Variants in MBD5 observed in about 807,000 individuals in gnomAD.
MBD5 encodes methyl-CpG binding domain protein 5, also known as methyl-CpG-binding domain protein 5.
MBD5 carries 13 observed loss-of-function variants against 117.3 expected under a neutral mutation model. That is an observed-to-expected ratio of 0.11 (90% CI 0.07 to 0.18). MBD5 has a LOEUF of 0.18. Among genes scored for constraint, MBD5 ranks in the 10% least tolerant of loss-of-function variants. The pLI is 1.00. For synonymous variants in MBD5, 727 were observed against 766.4 expected (o/e 0.95, Z 0.85); for missense variants, 1,879 against 2,093.8 (o/e 0.90, Z 2.00).
At chr2:148,090,910 T>C (rs1695925018) in intron 1 of MBD5, among the ~76,000 whole-genome samples, 1 of 152,106 alleles carries the variant, frequency 6.6e-6, no homozygotes, top group Non-Finnish European at 1.5e-5. Context: ...GCTGATGATA[T>C]GATTATATAC....
rs186203964 is a variant in MBD5 at position 148,058,247 on chromosome 2, G to A, written c.-925+36563G>A. On this transcript the variant is annotated intron_variant, in intron 1 of 13. Coordinates refer to ENST00000642680, the MANE Select transcript of MBD5 (RefSeq NM_001378120.1). Reference sequence around the variant, plus strand: ...TACTTTCCCCTGGTACTATTTCTTGGATACTCACAGAAACCCTACAAATTA... The same window carrying A: ...TACTTTCCCCTGGTACTATTTCTTGAATACTCACAGAAACCCTACAAATTA... Among the ~76,000 whole-genome samples, 3 of 151,924 alleles carry A rather than the reference G, an allele frequency of 2.0e-5. No individual in the cohort carries two copies. In the East Asian group the frequency reaches 5.8e-4, roughly 29 times the overall value.
At chr2:148,025,443 C>T (rs1693865501) in intron 1 of MBD5, 1 of 151,288 alleles carries the variant, frequency 6.6e-6, no homozygotes, top group Admixed American at 6.6e-5. Context: ...ACATTTTAGA[C>T]AATGAAAATA....
In MBD5 at chr2:148,251,997, C is replaced by T. The variant is rs540956853; in HGVS notation, c.-680+18602C>T. On this transcript the variant is annotated intron_variant, in intron 3 of 13. Transcript: ENST00000642680. ...GTGTGGTAAATTTTGTTTTCCCGCA[C>T]CTCACTCCTGCCAGAGACAGTTTGG... is the stretch of plus-strand genomic sequence containing the variant. 2.6e-5 allele frequency among the ~76,000 whole-genome samples: 4 copies of T among 152,222 alleles called. No homozygotes were observed. In the South Asian group the frequency reaches 8.3e-4, roughly 32 times the overall value.
At position 148,397,217 on chromosome 2, in the gene MBD5, C is replaced by A. The variant is rs187409184; in HGVS notation, c.-557+54881C>A. On this transcript the variant is annotated intron_variant, in intron 4 of 13. Coordinates refer to ENST00000642680, the MANE Select transcript of MBD5 (RefSeq NM_001378120.1). ...TAAACTGTGTAGTAAAAATTGTCAACCACCAGCAAACTGATCATATGGTCA... is the reference window on the plus strand; with the variant it reads ...TAAACTGTGTAGTAAAAATTGTCAAACACCAGCAAACTGATCATATGGTCA... 7.0e-4 allele frequency among the ~76,000 whole-genome samples: 107 copies of A among 152,132 alleles called. 1 individual carries two copies. The highest frequency in any genetic ancestry group is 6.8e-3 in the Middle Eastern group (2 of 294).
At chr2:148,111,497 A>G (rs1482034034) in intron 1 of MBD5, among the ~76,000 whole-genome samples, 2 of 151,978 alleles carry the variant, frequency 1.3e-5, no homozygotes, top group Non-Finnish European at 2.9e-5. Context: ...AATTGAAAGG[A>G]AAAAAAAGCA....
At chr2:148,063,822 G>A (rs1695105357) in intron 1 of MBD5, among the ~76,000 whole-genome samples, 1 of 151,976 alleles carries the variant, frequency 6.6e-6, no homozygotes, top group African/African-American at 2.4e-5. Flanking sequence ...TGCCCAACCT[G>A]TTCCTGAGCC....
At chr2:148,122,775 A>G (rs1007042952) in intron 1 of MBD5, among the ~76,000 whole-genome samples, 9 of 152,196 alleles carry the variant, frequency 5.9e-5, no homozygotes, top group Non-Finnish European at 1.3e-4. Flanking sequence ...TGAATAAGCG[A>G]ATAATTATGT....
At chr2:148,048,315 CATTT>C (rs1045579723) in intron 1 of MBD5, among the ~76,000 whole-genome samples, 7 of 152,176 alleles carry the variant, frequency 4.6e-5, no homozygotes, top group African/African-American at 1.7e-4. Flanking sequence ...GTTTCCCACC[CATTT>C]ATTTAAGAAA....
At chr2:148,343,997 G>A (rs886962088) in intron 4 of MBD5, among the ~76,000 whole-genome samples, 2 of 151,964 alleles carry the variant, frequency 1.3e-5, no homozygotes, top group Admixed American at 6.6e-5. Flanking sequence ...ATAGTGAAAG[G>A]TAGTGGTCCA....
rs185410041 is a variant in MBD5 at position 148,035,448 on chromosome 2, C to T, written c.-925+13764C>T. ...TTGAACTCCTACATTTTTCTGAGGA[C>T]TGATATACTTCATTTTTGTGCTGTT... On this transcript the variant is annotated intron_variant, in intron 1 of 13. Transcript: ENST00000642680. Among the ~76,000 whole-genome samples the T allele has an allele frequency of 2.2e-3, 342 of 152,120 alleles. 1 individual carries two copies. The highest frequency in any genetic ancestry group is 3.7e-3 in the Non-Finnish European group (249 of 67,994).
intron 1 of MBD5, among the ~76,000 whole-genome samples, chr2:148,145,015 T>C (rs992840331): frequency 1.3e-5 from 2 of 152,248 alleles, no homozygotes; most frequent in Non-Finnish European, 1.5e-5. Flanking sequence ...GGGGATGGCA[T>C]CGAATCTATA....
At chr2:148,092,344 G>A (rs977023491) in intron 1 of MBD5, among the ~76,000 whole-genome samples, 122 of 152,240 alleles carry the variant, frequency 8.0e-4, no homozygotes, top group African/African-American at 2.8e-3. Flanking sequence ...GTCATTATAC[G>A]AAAAAGACAC....
rs1395152657 is a variant in MBD5 at position 148,483,402 on chromosome 2, T to A, written c.2811T>A (p.Asn937Lys). ...PVNQQHLLNQ[N>K]LLNILQPSAG... is the part of the protein sequence containing the mutation. ...ATCAACAGCATCTCCTAAACCAGAA[T>A]CTATTAAATATCCTCCAGCCTTCAG... The change falls in exon 9 of 14, where the codon AAT becomes AAA. Residue 937 changes from asparagine (N) to lysine (K), a missense_variant. Asn to Lys is a moderately conservative substitution (Grantham distance 94). This residue lies in a region of MBD5 where 1,666 missense variants were observed against 1,792.2 expected (regional missense o/e 0.93). Coordinates refer to ENST00000642680, the MANE Select transcript of MBD5 (RefSeq NM_001378120.1). 6.2e-7 allele frequency: 1 copy of A among 1,614,062 alleles called. No individual in the cohort carries two copies. Among genetic ancestry groups the A allele is most frequent in the Non-Finnish European group, 8.5e-7 (1 of 1,179,944 alleles).
intron 3 of MBD5, among the ~76,000 whole-genome samples, chr2:148,235,281 G>C (rs1350498178): frequency 6.6e-6 from 1 of 152,086 alleles, no homozygotes; most frequent in African/African-American, 2.4e-5. Flanking sequence ...GAATACAGAA[G>C]ACTGACTATA....
chr2:148,458,889 C>T lies in MBD5; in HGVS notation c.113+18C>T, dbSNP rs1348312167. ...TATGTCAGGTAAGTTCTTATTATTA[C>T]CTGTGGTACCTGCAAAGTTGTACTC... On this transcript the variant is annotated intron_variant, in intron 5 of 13. Transcript: ENST00000642680. The T allele has an allele frequency of 6.3e-7, 1 of 1,576,520 alleles. No individual in the cohort carries two copies. The highest frequency in any genetic ancestry group is 2.2e-5 in the East Asian group (1 of 44,656).
At chr2:148,102,758 AGAGGAAGAG>A in intron 1 of MBD5, among the ~76,000 whole-genome samples, 1 of 111,774 alleles carries the variant, frequency 8.9e-6, no homozygotes, top group Non-Finnish European at 2.0e-5. Flanking sequence ...AGAGAGAGAG[AGAGGAAGAG>A]AGAGAGAGAG....
At chr2:148,279,478 A>G (rs949876142) in intron 3 of MBD5, among the ~76,000 whole-genome samples, 1 of 152,318 alleles carries the variant, frequency 6.6e-6, no homozygotes, top group South Asian at 2.1e-4. Context: ...CTTTCAGCAG[A>G]AAAAGGTCAG....
At chr2:148,292,023 T>A (rs1701511848) in intron 3 of MBD5, among the ~76,000 whole-genome samples, 1 of 152,178 alleles carries the variant, frequency 6.6e-6, no homozygotes, top group African/African-American at 2.4e-5. Context: ...TGCAAAAGAA[T>A]GAAACTAGAC....
At chr2:148,258,769 C>A (rs1700655045) in intron 3 of MBD5, among the ~76,000 whole-genome samples, 1 of 152,218 alleles carries the variant, frequency 6.6e-6, no homozygotes, top group South Asian at 2.1e-4. Context: ...AAAATCAAAT[C>A]TATCCATATC....
Sources: allele counts gnomAD v4.1 joint callset (sites outside exome capture counted in the v4.1 genomes callset), GRCh38; gene constraint gnomAD v4.1.1; regional missense constraint gnomAD v4.1.1; transcripts MANE v1.5; gene names NCBI Gene and HGNC (gene_info 2026-07-23, HGNC 2026-07-21).